ZGRF1: variants seen among roughly 807,000 people sequenced by gnomAD.
The protein encoded by ZGRF1 is zinc finger GRF-type containing 1, also known as 5'-3' DNA helicase ZGRF1.
A neutral mutation model predicts 203.5 loss-of-function variants in ZGRF1; 196 were observed. That is an observed-to-expected ratio of 0.96 (90% CI 0.86 to 1.08). ZGRF1 has a LOEUF of 1.08. Ranked by LOEUF, ZGRF1 falls within the 50% of genes least tolerant of loss-of-function variation. The pLI is 0.00. For missense variants in ZGRF1, 2,326 were observed against 2,416.3 expected, an observed-to-expected ratio of 0.96 and a Z score of 0.78; for synonymous variants, 809 against 841.3, an observed-to-expected ratio of 0.96 and a Z score of 0.66.
Position 112,603,627 on chromosome 4 carries a change from G to C in ZGRF1, c.2873C>G (p.Ser958Ter). The C allele has an allele frequency of 6.2e-7, 1 of 1,613,962 alleles. No homozygotes were observed. Among genetic ancestry groups the C allele is most frequent in the South Asian group, 1.1e-5 (1 of 91,072 alleles). The change falls in exon 10 of 28, where the codon TCA becomes TGA. Residue 958 changes from serine to a stop codon, truncating the protein, a stop_gained. Transcript: ENST00000505019. LOFTEE classifies it high-confidence loss of function. ...TGGAAACTGACTGCATCCTAGCTGT[G>C]AGCTGTGTCCTCTGACCATTACACC... ...TSGVMVRGHS[S>*]QLGCSQFPDS...
intron 3 of ZGRF1, among the ~76,000 whole-genome samples, chr4:112,626,455 C>T (rs951775345): frequency 6.6e-6 from 1 of 152,306 alleles, no homozygotes; most frequent in African/African-American, 2.4e-5. Context: ...TCTCCATTCT[C>T]GCCCTTGCTC....
At position 112,553,887 on chromosome 4, in the gene ZGRF1, C is replaced by T; in HGVS notation, c.5294G>A (p.Arg1765Lys). The T allele has an allele frequency of 1.2e-6, 2 of 1,613,512 alleles. No individual in the cohort carries two copies. Among genetic ancestry groups the T allele is most frequent in the Non-Finnish European group, 1.7e-6 (2 of 1,179,724 alleles). The change falls in exon 22 of 28, where the codon AGA becomes AAA. Residue 1765 changes from arginine (R) to lysine (K), a missense_variant. Coordinates refer to ENST00000505019, the MANE Select transcript of ZGRF1 (RefSeq NM_018392.5). ...DLTPTERVYVRKSIEQHKLGT... is the reference protein window; with the variant it reads ...DLTPTERVYVKKSIEQHKLGT... ...CAGTTTATGCTGCTCAATGCTTTTT[C>T]TCACATAGACTCTTTCCGTAGGAGT... is the stretch of plus-strand genomic sequence containing the variant.
Position 112,585,599 on chromosome 4 carries a change from G to T in ZGRF1, c.4043C>A (p.Ser1348Tyr). Residue 1348 changes from serine to tyrosine, a missense_variant, in exon 14 of 28, where the codon TCC (serine) becomes TAC (tyrosine). Transcript: ENST00000505019. ...KLKNAENNVP[S>Y]CHHSQPAKLV... ...TTTTGCAGGTTGACTATGATGGCAGGATGGTACATTATTTTCTGCGTTTTT... is the reference window on the plus strand; with the variant it reads ...TTTTGCAGGTTGACTATGATGGCAGTATGGTACATTATTTTCTGCGTTTTT... 6.2e-7 allele frequency: 1 copy of T among 1,612,418 alleles called. No homozygotes were observed. Among genetic ancestry groups the T allele is most frequent in the Non-Finnish European group, 8.5e-7 (1 of 1,179,274 alleles).
chr4:112,596,537 G>A (rs1048082940), intron 10 of ZGRF1, among the ~76,000 whole-genome samples: 1 of 152,048 alleles, frequency 6.6e-6, no homozygotes, highest in African/African-American at 2.4e-5. Flanking sequence ...ACTGAGTACA[G>A]TGTATTAATG....
At chr4:112,601,882 T>A (rs1750038111) in intron 10 of ZGRF1, among the ~76,000 whole-genome samples, 1 of 151,794 alleles carries the variant, frequency 6.6e-6, no homozygotes, top group South Asian at 2.1e-4. Flanking sequence ...TTCCAGAAAA[T>A]TTTTTAAAAG....
chr4:112,635,843 A>C (rs1177207358), intron 1 of ZGRF1, among the ~76,000 whole-genome samples: 2 of 151,906 alleles, frequency 1.3e-5, no homozygotes, highest in Non-Finnish European at 2.9e-5. Flanking sequence ...CTATTTCACA[A>C]TTGCAAGATA....
chr4:112,559,795 T>A (rs1741604467), intron 19 of ZGRF1, among the ~76,000 whole-genome samples: 1 of 152,110 alleles, frequency 6.6e-6, no homozygotes, highest in Admixed American at 6.6e-5. Flanking sequence ...AATGATACAG[T>A]CAGAACGTAA....
At chr4:112,611,835 T>C (rs998503252) in intron 7 of ZGRF1, among the ~76,000 whole-genome samples, 3 of 152,206 alleles carry the variant, frequency 2.0e-5, no homozygotes, top group African/African-American at 7.2e-5. Flanking sequence ...GAAACTGCTG[T>C]GATAAAAAGC....
chr4:112,617,461 C>T lies in ZGRF1; in HGVS notation c.2581G>A (p.Glu861Lys), dbSNP rs2046918945. Residue 861 changes from glutamate (E) to lysine (K), a missense_variant, in exon 6 of 28, where the codon GAG becomes AAG. Coordinates refer to ENST00000505019, the MANE Select transcript of ZGRF1 (RefSeq NM_018392.5). ...VFQQGTQQTY[E>K]PDSPPEVRKP... ...TAACCTTCAGGAGGGCTATCTGGCT[C>T]ATACGTCTGTTGAGTTCCTTGCTGA... 2 of 1,561,200 alleles carry T rather than the reference C, an allele frequency of 1.3e-6. No individual in the cohort carries two copies. Among genetic ancestry groups the T allele is most frequent in the Non-Finnish European group, 8.6e-7 (1 of 1,158,444 alleles).
At chr4:112,561,854 CATTT>C (rs1050357896) in intron 18 of ZGRF1, among the ~76,000 whole-genome samples, 5 of 148,774 alleles carry the variant, frequency 3.4e-5, no homozygotes, top group African/African-American at 1.2e-4. Context: ...TGTACAGTAA[CATTT>C]ATTAGCTCAA....
At chr4:112,611,791 A>C (rs2046686590) in intron 7 of ZGRF1, among the ~76,000 whole-genome samples, 1 of 152,158 alleles carries the variant, frequency 6.6e-6, no homozygotes, top group South Asian at 2.1e-4. Flanking sequence ...CATTTCTTTC[A>C]ATGACATTGC....
chr4:112,629,188 TATG>T (rs1047995740), intron 3 of ZGRF1, among the ~76,000 whole-genome samples: 3 of 152,234 alleles, frequency 2.0e-5, no homozygotes, highest in Admixed American at 6.5e-5. Context: ...AGTTCATTGA[TATG>T]ATAACTCCAG....
intron 3 of ZGRF1, among the ~76,000 whole-genome samples, chr4:112,624,865 T>TA (rs1488467248): frequency 1.3e-5 from 2 of 151,996 alleles, no homozygotes; most frequent in African/African-American, 4.8e-5. Context: ...CCAACAGAAA[T>TA]AAAAACATAT....
Position 112,548,329 on chromosome 4 carries a change from C to G in ZGRF1, c.5398G>C (p.Asp1800His), listed in dbSNP as rs781597260. 1.0e-5 allele frequency: 16 copies of G among 1,554,510 alleles called. 1 individual carries two copies. In the Admixed American group the frequency reaches 2.1e-4, roughly 21 times the overall value. Residue 1800 changes from aspartate (D) to histidine (H), a missense_variant, in exon 23 of 28, where the codon GAT becomes CAT. Physicochemically the swap from Asp to His is moderately conservative, Grantham distance 81 (BLOSUM62 -1). Coordinates refer to ENST00000505019, the MANE Select transcript of ZGRF1 (RefSeq NM_018392.5). ...AGCACAACTACAGGAAATTTAAGAT[C>G]ATTCATGCATGGGAATGGGCAGGCT... ...CAACPFPCMNDLKFPVVVLDE... is the reference protein window; with the variant it reads ...CAACPFPCMNHLKFPVVVLDE...
intron 16 of ZGRF1, among the ~76,000 whole-genome samples, chr4:112,571,282 A>G (rs564574215): frequency 7.2e-5 from 11 of 152,302 alleles, no homozygotes; most frequent in African/African-American, 2.4e-4. Flanking sequence ...CAATAACAAC[A>G]ATAAAAACAA....
At chr4:112,569,189 C>CA (rs1343622969) in intron 16 of ZGRF1, among the ~76,000 whole-genome samples, 1 of 151,974 alleles carries the variant, frequency 6.6e-6, no homozygotes, top group Non-Finnish European at 1.5e-5. Context: ...AATTATTGTC[C>CA]AAAGAAAGAT....
chr4:112,554,658 T>A, intron 21 of ZGRF1, 47 bp downstream of exon 21: 2 of 909,486 alleles, frequency 2.2e-6, no homozygotes. Flanking sequence ...AAAAGTACCA[T>A]ACTTCCCTCT....
intron 2 of ZGRF1, 70 bp from the exon 3 acceptor site, chr4:112,632,080 C>G: frequency 1.6e-6 from 1 of 640,666 alleles, no homozygotes; most frequent in Non-Finnish European, 2.4e-6. Context: ...TTTATATATC[C>G]TTCCTACATA....
chr4:112,619,174 C>T lies in ZGRF1; in HGVS notation c.868G>A (p.Ala290Thr), dbSNP rs1436023130. Residue 290 changes from alanine (A) to threonine (T), a missense_variant, in exon 6 of 28, where the codon GCT becomes ACT. Transcript: ENST00000505019. ...TGAATTAGGTACTTTGGTTTAGTAG[C>T]AATTTTTAAACTTCCTTGTGGTTGT... is the stretch of plus-strand genomic sequence containing the variant. ...QKQPQGSLKI[A>T]TKPKYLIQQE... 6.2e-7 allele frequency: 1 copy of T among 1,613,360 alleles called. No individual in the cohort carries two copies. The highest frequency in any genetic ancestry group is 1.7e-5 in the Admixed American group (1 of 59,990).
Sources: allele counts gnomAD v4.1 joint callset (sites outside exome capture counted in the v4.1 genomes callset), GRCh38; gene constraint gnomAD v4.1.1; transcripts MANE v1.5; gene names NCBI Gene and HGNC (gene_info 2026-07-23, HGNC 2026-07-21).